PLA2G2A: variants seen among roughly 807,000 people sequenced by gnomAD.
PLA2G2A encodes phospholipase A2, membrane associated.
In PLA2G2A, 6 loss-of-function variants were observed where a neutral mutation model predicts 11.2. That is an observed-to-expected ratio of 0.54 (90% CI 0.29 to 1.06). PLA2G2A has a LOEUF of 1.06. Ranked by LOEUF, PLA2G2A falls within the 50% of genes least tolerant of loss-of-function variation. The probability of loss-of-function intolerance (pLI) is 0.08; values close to 1 mark genes in which losing one functional copy is unlikely to be tolerated. For synonymous variants in PLA2G2A, 69 were observed against 65.8 expected (o/e 1.05, Z -0.23); for missense variants, 133 against 177.1 (o/e 0.75, Z 1.41).
Position 19,978,553 on chromosome 1 carries a change from G to C in PLA2G2A, c.41-29C>G, listed in dbSNP as rs201366888. The C allele has an allele frequency of 1.5e-4, 245 of 1,612,862 alleles. No homozygotes were observed. In the African/African-American group the frequency reaches 3.1e-3, roughly 20 times the overall value. Reference sequence around the variant, plus strand: ...GAAGGAAATTTGGGAGTTGTCTGGTGATGGGGCATGGGGTTCTGCGCCCTC... The same window carrying C: ...GAAGGAAATTTGGGAGTTGTCTGGTCATGGGGCATGGGGTTCTGCGCCCTC... On this transcript the variant is annotated intron_variant, in intron 2 of 4. Transcript: ENST00000482011.
rs2046242001 is a variant in PLA2G2A, at chr1:19,977,896, A to G, written c.292+119T>C. ...TTTTCACTTTCCTGGCTTCCCACTC[A>G]ACCGTGAGCTTCCTGAAGCAGGAAC... On this transcript the variant is annotated intron_variant, in intron 4 of 4. Transcript: ENST00000482011. 3 of 751,446 alleles carry G rather than the reference A, an allele frequency of 4.0e-6. No individual in the cohort carries two copies. In the African/African-American group the frequency reaches 5.1e-5, roughly 13 times the overall value. 46.5% of individuals were successfully genotyped at this position (751,446 alleles called of 1,614,324 possible). A position where few individuals can be genotyped will look rare whatever the true frequency, so the allele number is the denominator to read the frequency against.
intron 2 of PLA2G2A, 105 bp from the exon 3 acceptor site, chr1:19,978,629 T>C (rs1406604465): frequency 1.3e-6 from 2 of 1,598,272 alleles, no homozygotes; most frequent in Non-Finnish European, 1.7e-6. Context: ...GCTTCTTTTT[T>C]CCCCCTGAGA....
intron 4 of PLA2G2A, 74 bp from the exon 5 acceptor site, chr1:19,975,917 T>C: frequency 1.5e-6 from 2 of 1,304,594 alleles, no homozygotes; most frequent in Non-Finnish European, 2.2e-6. Flanking sequence ...AACCCTGGGG[T>C]AGAAGACACA....
exon 2 of PLA2G2A, chr1:19,978,815 G>A: frequency 1.9e-6 from 3 of 1,603,390 alleles, no homozygotes; most frequent in Non-Finnish European, 2.6e-6. Flanking sequence ...GACTGGCCTA[G>A]CTCCTCTGCT....
chr1:19,978,931 C>G (rs904674907), intron 1 of PLA2G2A, 52 bp from the exon 2 acceptor site: 1 of 692,276 alleles, frequency 1.4e-6, no homozygotes, highest in Non-Finnish European at 2.6e-6. Flanking sequence ...GGGTGACTTC[C>G]TCTGTCACAC....
intron 3 of PLA2G2A, 59 bp from the exon 4 acceptor site, chr1:19,978,180 G>C: frequency 7.1e-7 from 1 of 1,401,870 alleles, no homozygotes; most frequent in Non-Finnish European, 1.0e-6. Flanking sequence ...CCTGGTGCCT[G>C]TGGTCTCACC....
upstream of PLA2G2A, among the ~76,000 whole-genome samples, chr1:19,980,080 C>T (rs1208630793): frequency 1.3e-5 from 2 of 152,176 alleles, no homozygotes; most frequent in African/African-American, 2.4e-5. Flanking sequence ...CATTCAGCCG[C>T]TCAATCATTC....
intron 2 of PLA2G2A, 48 bp downstream of exon 2, chr1:19,978,686 C>T (rs754217205): frequency 2.0e-5 from 32 of 1,608,446 alleles, no homozygotes; most frequent in Middle Eastern, 1.6e-4. Context: ...AGAGTGCTTC[C>T]CTTCTGGGGC....
intron 4 of PLA2G2A, among the ~76,000 whole-genome samples, chr1:19,976,356 G>A (rs566374991): frequency 1.3e-5 from 2 of 152,334 alleles, no homozygotes; most frequent in East Asian, 1.9e-4. Flanking sequence ...GGCCAGGAGG[G>A]TGGACCTGCA....
intron 1 of PLA2G2A, 94 bp from the exon 2 acceptor site, chr1:19,978,973 G>GCACACACA (rs3061293): frequency 5.1e-4 from 293 of 573,186 alleles, no homozygotes; most frequent in African/African-American, 2.5e-3. Context: ...CTCCAGCAAT[G>GCACACACA]CACACACACA....
At chr1:19,977,831 CTGTT>C (rs1426084382) in intron 4 of PLA2G2A, among the ~76,000 whole-genome samples, 180 bp downstream of exon 4, 2 of 152,212 alleles carry the variant, frequency 1.3e-5, no homozygotes, top group African/African-American at 4.8e-5. Context: ...AATGCCTTAT[CTGTT>C]TGTTTACTTC....
chr1:19,979,144 T>G, intron 1 of PLA2G2A: 1 of 300,786 alleles, frequency 3.3e-6, no homozygotes. Context: ...TGGAACCAGG[T>G]TCCTCCCAAC....
At chr1:19,978,765 G>T (rs1248403547) in exon 2 of PLA2G2A, 1 of 1,614,116 alleles carries the variant, frequency 6.2e-7, no homozygotes, top group Non-Finnish European at 8.5e-7. Context: ...ACAGTAGGAG[G>T]GTCTTCATGG....
intron 4 of PLA2G2A, 119 bp downstream of exon 4, chr1:19,977,896 A>C (rs2046242001): frequency 5.3e-6 from 4 of 751,446 alleles, no homozygotes; most frequent in South Asian, 4.3e-5. Context: ...CTTCCCACTC[A>C]ACCGTGAGCT....
chr1:19,978,049 G>A, exon 4 of PLA2G2A: 1 of 1,613,418 alleles, frequency 6.2e-7, no homozygotes, highest in Non-Finnish European at 8.5e-7. Context: ...TGCTAAACTT[G>A]TAGCTCAGAA....
chr1:19,975,891 A>G, intron 4 of PLA2G2A, 48 bp from the exon 5 acceptor site: 1 of 1,569,432 alleles, frequency 6.4e-7, no homozygotes. Context: ...ATTAATATTC[A>G]GTGGCTTCTT....
At chr1:19,978,260 G>T in intron 3 of PLA2G2A, 120 bp downstream of exon 3, 1 of 1,395,590 alleles carries the variant, frequency 7.2e-7, no homozygotes, top group Non-Finnish European at 1.0e-6. Context: ...CATGCCGGCT[G>T]CTTTTCCAGC....
chr1:19,979,346 A>G (rs1245000835), intron 1 of PLA2G2A, among the ~76,000 whole-genome samples: 2 of 152,028 alleles, frequency 1.3e-5, no homozygotes, highest in Non-Finnish European at 2.9e-5. Flanking sequence ...CAAGTTCCCA[A>G]ACACATACAT....
At chr1:19,979,797 G>A (rs563093331), upstream of PLA2G2A, 16 of 152,364 alleles carry the variant, frequency 1.1e-4, 1 homozygote, top group African/African-American at 3.4e-4. Context: ...TGAGGATTGG[G>A]AAACCTTACG....
Sources: allele counts gnomAD v4.1 joint callset (sites outside exome capture counted in the v4.1 genomes callset), GRCh38; gene constraint gnomAD v4.1.1; transcripts MANE v1.5; gene names NCBI Gene and HGNC (gene_info 2026-07-23, HGNC 2026-07-21).